Variants in TNKS observed in about 807,000 individuals in gnomAD.
TNKS encodes poly [ADP-ribose] polymerase tankyrase-1.
A neutral mutation model predicts 135.8 loss-of-function variants in TNKS; 72 were observed. The ratio of observed to expected loss-of-function variants is 0.53; its 90% confidence interval spans 0.44 to 0.64. The LOEUF is 0.64. TNKS is among the 30% of genes least tolerant of loss of function. TNKS has a pLI of 0.00. For synonymous variants in TNKS, 849 were observed against 649.3 expected (o/e 1.31, Z -4.68); for missense variants, 1,769 against 1,674.0 (o/e 1.06, Z -0.99).
At chr8:9,722,014 C>T (rs1049649095) in intron 12 of TNKS, among the ~76,000 whole-genome samples, 5 of 151,020 alleles carry the variant, frequency 3.3e-5, no homozygotes, top group African/African-American at 1.2e-4. Context: ...GATCGCGCCA[C>T]TGCACTCCAT....
intron 3 of TNKS, among the ~76,000 whole-genome samples, chr8:9,644,536 G>T (rs780455344): frequency 6.6e-6 from 1 of 152,112 alleles, no homozygotes; most frequent in Non-Finnish European, 1.5e-5. Flanking sequence ...CTTATCAAGT[G>T]CTTCCATTTC....
At chr8:9,611,163 A>G (rs2128763599) in intron 2 of TNKS, among the ~76,000 whole-genome samples, 1 of 152,312 alleles carries the variant, frequency 6.6e-6, no homozygotes, top group South Asian at 2.1e-4. Flanking sequence ...CGCCCGTCTT[A>G]CCTCGAAAGG....
chr8:9,772,553 A>G, intron 26 of TNKS: 1 of 374,696 alleles, frequency 2.7e-6, no homozygotes, highest in South Asian at 2.1e-5. Context: ...AAGAGACATG[A>G]AAACGAAGTT....
intron 2 of TNKS, among the ~76,000 whole-genome samples, chr8:9,594,474 A>G (rs1798700059): frequency 1.3e-5 from 2 of 152,196 alleles, no homozygotes; most frequent in South Asian, 4.1e-4. Context: ...ATCGTAATGG[A>G]GAGTGTAGAC....
chr8:9,772,809 T>TTTGTGTGTG (rs1554490631), intron 26 of TNKS, among the ~76,000 whole-genome samples: 2 of 86,694 alleles, frequency 2.3e-5, no homozygotes, highest in East Asian at 6.7e-4. Flanking sequence ...GTGTGTGTGT[T>TTTGTGTGTG]TGTGTGTGTG....
chr8:9,755,699 A>G (rs1437343950), intron 20 of TNKS, among the ~76,000 whole-genome samples: 2 of 152,104 alleles, frequency 1.3e-5, no homozygotes, highest in African/African-American at 2.4e-5. Flanking sequence ...CATTTAATTC[A>G]TATCTGTTTG....
chr8:9,609,096 G>C (rs963679924), intron 2 of TNKS, among the ~76,000 whole-genome samples: 1 of 151,484 alleles, frequency 6.6e-6, no homozygotes, highest in African/African-American at 2.4e-5. Flanking sequence ...ATCTTTTTTA[G>C]ATCTTTCAGC....
At chr8:9,597,925 A>G (rs891603835) in intron 2 of TNKS, among the ~76,000 whole-genome samples, 1 of 152,212 alleles carries the variant, frequency 6.6e-6, no homozygotes, top group African/African-American at 2.4e-5. Flanking sequence ...TAATGTGTCA[A>G]ATCCCATGGA....
intron 13 of TNKS, among the ~76,000 whole-genome samples, chr8:9,727,686 C>T (rs12542912): frequency 0.59 from 89,572 of 152,042 alleles, 26,708 homozygotes; most frequent in Middle Eastern, 0.7. Flanking sequence ...AAACTTTTTG[C>T]GATTTTTAGC....
chr8:9,601,681 G>A (rs578066413), intron 2 of TNKS, among the ~76,000 whole-genome samples: 1 of 152,182 alleles, frequency 6.6e-6, no homozygotes, highest in East Asian at 1.9e-4. Flanking sequence ...GGTAGCTGAA[G>A]TAGTTTTTTA....
chr8:9,759,917 G>A (rs898900889), intron 20 of TNKS, among the ~76,000 whole-genome samples: 4 of 151,950 alleles, frequency 2.6e-5, no homozygotes, highest in African/African-American at 9.7e-5. Flanking sequence ...GGAGGTTGCA[G>A]TGAGCCGCTG....
intron 12 of TNKS, among the ~76,000 whole-genome samples, chr8:9,723,049 A>G (rs1804972407): frequency 6.8e-6 from 1 of 146,666 alleles, no homozygotes; most frequent in African/African-American, 2.5e-5. Flanking sequence ...TAGGTAATTA[A>G]ATGCTTAATT....
chr8:9,611,551 A>G (rs6996829), intron 2 of TNKS, among the ~76,000 whole-genome samples: 30,146 of 152,130 alleles, frequency 0.2, 3,249 homozygotes, highest in East Asian at 0.29. Context: ...TAATAGTCAC[A>G]TTTTATTTTT....
chr8:9,659,500 A>G (rs1035997912), intron 3 of TNKS, among the ~76,000 whole-genome samples: 32 of 152,244 alleles, frequency 2.1e-4, no homozygotes, highest in African/African-American at 7.7e-4. Context: ...GTACCTAACA[A>G]AATGAAGGCA....
intron 19 of TNKS, 90 bp downstream of exon 19, chr8:9,751,936 A>T: frequency 8.8e-7 from 1 of 1,134,834 alleles, no homozygotes; most frequent in Non-Finnish European, 1.3e-6. Context: ...TGAATGCCTC[A>T]ATTAGAGACG....
chr8:9,771,312 AAG>A (rs1332347215), intron 26 of TNKS, among the ~76,000 whole-genome samples: 26 of 118,106 alleles, frequency 2.2e-4, no homozygotes, highest in African/African-American at 7.4e-4. Context: ...GGAAGGAAGG[AAG>A]AGAGAAGAAA....
intron 2 of TNKS, among the ~76,000 whole-genome samples, chr8:9,580,999 T>G (rs1309776059): frequency 1.3e-5 from 2 of 152,216 alleles, no homozygotes; most frequent in African/African-American, 2.4e-5. Context: ...TTTTTTATTT[T>G]GAAATCTAAA....
In TNKS at chr8:9,776,431, C is replaced by G. The variant is rs75458613; in HGVS notation, c.3898-219C>G. 1.1e-4 allele frequency among the ~76,000 whole-genome samples: 16 copies of G among 152,252 alleles called. 1 individual carries two copies. Among genetic ancestry groups the G allele is most frequent in the African/African-American group, 3.4e-4 (14 of 41,544 alleles). On this transcript the variant is annotated intron_variant, in intron 26 of 26. Transcript: ENST00000310430. ...TGAATGGAGCTTAATTGACAGTATT[C>G]GAAGTAGAAATAACATTCAGTTTTC...
In TNKS at chr8:9,779,681, A is replaced by T. The variant is rs1252651019; in HGVS notation, c.*2945A>T. ...CATTTTCTCCTCATCTTGGGTCTTA[A>T]AAAAGGAGACCAGATACCTCCTAGC... On this transcript the variant is annotated 3_prime_UTR_variant, in exon 27 of 27. Coordinates refer to ENST00000310430, the MANE Select transcript of TNKS (RefSeq NM_003747.3). The T allele has an allele frequency of 1.3e-5, 2 of 152,216 alleles. No homozygotes were observed. The highest frequency in any genetic ancestry group is 4.8e-5 in the African/African-American group (2 of 41,456). 9.4% of individuals were successfully genotyped at this position (152,216 alleles called of 1,614,324 possible).
Sources: allele counts gnomAD v4.1 joint callset (sites outside exome capture counted in the v4.1 genomes callset), GRCh38; gene constraint gnomAD v4.1.1; transcripts MANE v1.5; gene names NCBI Gene and HGNC (gene_info 2026-07-23, HGNC 2026-07-21).